The following PRR16 variants were observed in gnomAD, a reference collection of about 807,000 sequenced individuals.
PRR16 encodes the protein protein Largen.
In PRR16, 6 loss-of-function variants were observed where a neutral mutation model predicts 18.2. The ratio of observed to expected loss-of-function variants is 0.33; its 90% confidence interval spans 0.18 to 0.65. The LOEUF is 0.65. Among genes scored for constraint, PRR16 ranks in the 30% least tolerant of loss-of-function variants. PRR16 has a pLI of 0.74. For missense variants in PRR16, 412 were observed against 376.6 expected (o/e 1.09, Z -0.78); for synonymous variants, 151 against 147.8 (o/e 1.02, Z -0.16).
chr5:120,541,653 T>A (rs1420499553), intron 1 of PRR16, among the ~76,000 whole-genome samples: 1 of 152,228 alleles, frequency 6.6e-6, no homozygotes, highest in Non-Finnish European at 1.5e-5. Context: ...TTTAAAAATA[T>A]ATCTGTTTCC....
At chr5:120,744,115 G>C in the PRR16 span, among the ~76,000 whole-genome samples, 1 of 151,902 alleles carries the variant, frequency 6.6e-6, no homozygotes, top group African/African-American at 2.4e-5. Context: ...AAAAAGGAAG[G>C]CTTTATTGTG....
chr5:120,621,762 G>T (rs1754696964), intron 1 of PRR16, among the ~76,000 whole-genome samples: 2 of 152,062 alleles, frequency 1.3e-5, no homozygotes, highest in African/African-American at 4.8e-5. Flanking sequence ...AAGGTGCCTT[G>T]CTTCCCCCTG....
the PRR16 span, among the ~76,000 whole-genome samples, chr5:120,718,396 A>T: frequency 6.6e-6 from 1 of 152,110 alleles, no homozygotes; most frequent in South Asian, 2.1e-4. Flanking sequence ...ATAGGCAAGA[A>T]ACCTATCTTT....
At chr5:120,519,867 G>GT (rs1457360211) in intron 1 of PRR16, among the ~76,000 whole-genome samples, 11 of 151,810 alleles carry the variant, frequency 7.2e-5, no homozygotes, top group African/African-American at 2.2e-4. Context: ...ATTTTTATGG[G>GT]TTTTTTTCTC....
In PRR16 at chr5:120,464,365, C is replaced by T. The variant is rs949374536; in HGVS notation, c.-122C>T. 4.4e-5 allele frequency: 51 copies of T among 1,155,642 alleles called. No homozygotes were observed. In the Middle Eastern group the frequency reaches 1.5e-3, roughly 34 times the overall value. The allele number at this position is 1,155,642 out of a possible 1,614,324, so 71.6% of individuals were successfully genotyped here. ...CGGAGCGCAGCCACTCGCCGCTGCCCAGGGAGCGCCCAAGATGTGGGGGGA... is the reference window on the plus strand; with the variant it reads ...CGGAGCGCAGCCACTCGCCGCTGCCTAGGGAGCGCCCAAGATGTGGGGGGA... On this transcript the variant is annotated 5_prime_UTR_variant, in exon 1 of 2. It introduces an in-frame stop codon into an upstream open reading frame of the 5' UTR. Transcript: ENST00000407149.
At chr5:120,726,094 G>T in the PRR16 span, among the ~76,000 whole-genome samples, 252 of 152,160 alleles carry the variant, frequency 1.7e-3, no homozygotes, top group African/African-American at 5.8e-3. Context: ...TTTTTACACA[G>T]TTCAGTACTG....
the PRR16 span, among the ~76,000 whole-genome samples, chr5:120,699,088 G>C: frequency 6.6e-6 from 1 of 152,072 alleles, no homozygotes; most frequent in South Asian, 2.1e-4. Flanking sequence ...GGGACATGTT[G>C]AGTAAAGCTA....
intron 1 of PRR16, among the ~76,000 whole-genome samples, chr5:120,665,843 C>A (rs1398922556): frequency 6.6e-6 from 1 of 152,134 alleles, no homozygotes; most frequent in Non-Finnish European, 1.5e-5. Context: ...CAGTACCATG[C>A]TGTTTTGGTT....
intron 1 of PRR16, among the ~76,000 whole-genome samples, chr5:120,516,780 A>G (rs1271387726): frequency 1.3e-5 from 2 of 152,160 alleles, no homozygotes; most frequent in African/African-American, 4.8e-5. Context: ...AAAGGCAGAG[A>G]TATTTTGCAC....
At chr5:120,589,719 T>C (rs1191077086) in intron 1 of PRR16, among the ~76,000 whole-genome samples, 10 of 152,036 alleles carry the variant, frequency 6.6e-5, no homozygotes, top group Non-Finnish European at 1.3e-4. Context: ...TCCACTACCA[T>C]GAGAACAGTA....
At chr5:120,524,845 AG>A (rs1361260013) in intron 1 of PRR16, among the ~76,000 whole-genome samples, 1 of 152,112 alleles carries the variant, frequency 6.6e-6, no homozygotes, top group Non-Finnish European at 1.5e-5. Context: ...AAATTAAAAA[AG>A]CAAATAAACT....
chr5:120,651,099 T>C (rs1458764546), intron 1 of PRR16, among the ~76,000 whole-genome samples: 3 of 152,190 alleles, frequency 2.0e-5, no homozygotes, highest in East Asian at 1.9e-4. Flanking sequence ...CATTTTTTCA[T>C]GTGTCTTTTG....
intron 1 of PRR16, among the ~76,000 whole-genome samples, chr5:120,520,601 C>G (rs989059324): frequency 6.6e-6 from 1 of 152,078 alleles, no homozygotes; most frequent in Non-Finnish European, 1.5e-5. Context: ...GTTTCTAATA[C>G]TTTTACTACT....
intron 1 of PRR16, among the ~76,000 whole-genome samples, chr5:120,497,349 C>T (rs1178476830): frequency 5.0e-5 from 6 of 119,408 alleles, no homozygotes; most frequent in Admixed American, 8.0e-5. Flanking sequence ...CCTTTTAGTT[C>T]TATCAGTTTT....
intron 1 of PRR16, among the ~76,000 whole-genome samples, chr5:120,609,454 T>C (rs913986935): frequency 6.6e-6 from 1 of 152,192 alleles, no homozygotes; most frequent in African/African-American, 2.4e-5. Context: ...AGTTGTTTAC[T>C]TAGCTTTTCT....
chr5:120,491,809 G>T (rs557592993), intron 1 of PRR16, among the ~76,000 whole-genome samples: 2 of 152,242 alleles, frequency 1.3e-5, no homozygotes, highest in African/African-American at 4.8e-5. Context: ...CTCCCAAAGT[G>T]CTGAGATTAC....
chr5:120,479,659 G>C (rs1749548095), intron 1 of PRR16, among the ~76,000 whole-genome samples: 1 of 151,992 alleles, frequency 6.6e-6, no homozygotes, highest in African/African-American at 2.4e-5. Flanking sequence ...AATATTAATA[G>C]TTGCTAGCAC....
At chr5:120,780,483 A>C in the PRR16 span, among the ~76,000 whole-genome samples, 1 of 152,152 alleles carries the variant, frequency 6.6e-6, no homozygotes, top group Admixed American at 6.5e-5. Flanking sequence ...AATATTTTCA[A>C]CTTGGATCTA....
chr5:120,547,039 A>G (rs1199341597), intron 1 of PRR16, among the ~76,000 whole-genome samples: 1 of 152,032 alleles, frequency 6.6e-6, no homozygotes, highest in Non-Finnish European at 1.5e-5. Flanking sequence ...AAGTTTTGAG[A>G]TGTTGCTATG....
Sources: allele counts gnomAD v4.1 joint callset (sites outside exome capture counted in the v4.1 genomes callset), GRCh38; gene constraint gnomAD v4.1.1; transcripts MANE v1.5; gene names NCBI Gene and HGNC (gene_info 2026-07-23, HGNC 2026-07-21).